EYS: variants seen among roughly 807,000 people sequenced by gnomAD.
EYS encodes the protein protein eyes shut homolog.
In EYS, 250 loss-of-function variants were observed where a neutral mutation model predicts 282.1. That is an observed-to-expected ratio of 0.89 (90% CI 0.80 to 0.98). EYS has a LOEUF of 0.98. Ranked by LOEUF, EYS falls within the 50% of genes least tolerant of loss-of-function variation. EYS has a pLI of 0.00. For missense variants in EYS, 4,016 were observed against 3,709.0 expected (o/e 1.08, Z -2.15); for synonymous variants, 1,355 against 1,282.9 (o/e 1.06, Z -1.20).
intron 22 of EYS, among the ~76,000 whole-genome samples, chr6:64,795,728 G>A (rs1774335158): frequency 6.6e-6 from 1 of 152,136 alleles, no homozygotes; most frequent in African/African-American, 2.4e-5. Flanking sequence ...TCAGTGGGCA[G>A]GTAAACTCAA....
intron 7 of EYS, among the ~76,000 whole-genome samples, chr6:65,398,854 T>C (rs1036787841): frequency 6.6e-6 from 1 of 152,224 alleles, no homozygotes; most frequent in Admixed American, 6.6e-5. Flanking sequence ...TTTCTACAGA[T>C]TTTTCCATTT....
chr6:64,655,806 G>T (rs1301218352), intron 22 of EYS, among the ~76,000 whole-genome samples: 1 of 151,806 alleles, frequency 6.6e-6, no homozygotes, highest in African/African-American at 2.4e-5. Flanking sequence ...AATATCATAT[G>T]GTCCATAATG....
chr6:64,001,336 A>G (rs1768085546), intron 33 of EYS, among the ~76,000 whole-genome samples: 1 of 152,258 alleles, frequency 6.6e-6, no homozygotes, highest in Non-Finnish European at 1.5e-5. Flanking sequence ...GTAAAAATAA[A>G]TTACACAGTC....
At chr6:64,686,349 A>G (rs1770098689) in intron 22 of EYS, among the ~76,000 whole-genome samples, 2 of 152,052 alleles carry the variant, frequency 1.3e-5, no homozygotes, top group African/African-American at 4.8e-5. Context: ...GAAAAGATAA[A>G]TGAAATAAAT....
At chr6:64,385,958 A>G (rs1226649081) in intron 29 of EYS, among the ~76,000 whole-genome samples, 5 of 152,054 alleles carry the variant, frequency 3.3e-5, no homozygotes, top group Admixed American at 6.5e-5. Flanking sequence ...TTCTTAGCCT[A>G]GTTCTTGATT....
At chr6:63,812,531 C>T (rs1031087820) in intron 36 of EYS, among the ~76,000 whole-genome samples, 1 of 152,134 alleles carries the variant, frequency 6.6e-6, no homozygotes, top group African/African-American at 2.4e-5. Context: ...TATTTTTTCT[C>T]CCCACTCAGA....
intron 29 of EYS, among the ~76,000 whole-genome samples, chr6:64,311,677 G>C (rs1769710003): frequency 6.6e-6 from 1 of 152,330 alleles, no homozygotes; most frequent in South Asian, 2.1e-4. Context: ...GAGGTACCTA[G>C]TTCATCTCAT....
At position 65,158,627 on chromosome 6, in the gene EYS, C is replaced by T. The variant is rs1235430964; in HGVS notation, c.2024-100900G>A. 2.7e-5 allele frequency among the ~76,000 whole-genome samples: 4 copies of T among 150,636 alleles called. 1 individual carries two copies. The South Asian group carries it at 6.2e-4, about 23-fold the overall frequency. ...CTTGTCTTAGTTTAGTTCAAATATGCTTTATTTGGTGGCAGAGAAAAAGGA... is the reference window on the plus strand; with the variant it reads ...CTTGTCTTAGTTTAGTTCAAATATGTTTTATTTGGTGGCAGAGAAAAAGGA... On this transcript the variant is annotated intron_variant, in intron 12 of 42. Transcript: ENST00000503581.
intron 14 of EYS, among the ~76,000 whole-genome samples, chr6:64,969,909 T>A (rs528908430): frequency 1.3e-5 from 2 of 152,148 alleles, no homozygotes; most frequent in Non-Finnish European, 2.9e-5. Flanking sequence ...AACTTTCCAA[T>A]CTCATACTAT....
intron 26 of EYS, among the ~76,000 whole-genome samples, chr6:64,503,251 T>C (rs1777109163): frequency 6.6e-6 from 1 of 152,174 alleles, no homozygotes; most frequent in Non-Finnish European, 1.5e-5. Flanking sequence ...GCAGGTACAC[T>C]AGCCAGTTCA....
intron 22 of EYS, among the ~76,000 whole-genome samples, chr6:64,799,786 A>T (rs906959747): frequency 2.0e-5 from 3 of 151,780 alleles, no homozygotes; most frequent in Non-Finnish European, 4.4e-5. Flanking sequence ...AATTTTTCAC[A>T]TATTTAAGTA....
At chr6:63,824,261 T>C (rs1771398512) in intron 36 of EYS, among the ~76,000 whole-genome samples, 1 of 152,176 alleles carries the variant, frequency 6.6e-6, no homozygotes, top group Non-Finnish European at 1.5e-5. Context: ...CAATTCCCAC[T>C]AAGTGATTTT....
chr6:65,552,802 T>C (rs9345650), intron 2 of EYS, among the ~76,000 whole-genome samples: 83,438 of 151,898 alleles, frequency 0.55, 22,954 homozygotes, highest in East Asian at 0.71. Context: ...TCTTTCATAT[T>C]AGAGCTAAGA....
chr6:64,465,679 T>C (rs1220362840), intron 26 of EYS, among the ~76,000 whole-genome samples: 2 of 151,840 alleles, frequency 1.3e-5, no homozygotes, highest in Admixed American at 6.6e-5. Flanking sequence ...TTCATGACAT[T>C]GGTCTGAGAA....
intron 12 of EYS, among the ~76,000 whole-genome samples, chr6:65,257,187 T>A (rs1435946149): frequency 1.7e-5 from 1 of 59,132 alleles, no homozygotes; most frequent in Admixed American, 1.8e-4. Flanking sequence ...GTCAGATGAG[T>A]AGGTTGTGAA....
intron 29 of EYS, among the ~76,000 whole-genome samples, chr6:64,327,073 A>G (rs1383253221): frequency 6.6e-6 from 1 of 152,120 alleles, no homozygotes; most frequent in Non-Finnish European, 1.5e-5. Flanking sequence ...AAGTGTGTGG[A>G]AGAGAGTCTC....
chr6:65,060,513 C>T (rs1386984062), intron 12 of EYS, among the ~76,000 whole-genome samples: 5 of 151,770 alleles, frequency 3.3e-5, no homozygotes, highest in Non-Finnish European at 7.4e-5. Context: ...TGTACCTAGC[C>T]TTCCTTCTTG....
intron 1 of EYS, among the ~76,000 whole-genome samples, chr6:65,674,658 G>A (rs982105272): frequency 2.0e-5 from 3 of 151,786 alleles, no homozygotes; most frequent in Non-Finnish European, 4.4e-5. Flanking sequence ...AAATGAAAAA[G>A]AAATAAAGAC....
chr6:63,965,463 T>G (rs1269209233), intron 35 of EYS, among the ~76,000 whole-genome samples: 1 of 152,212 alleles, frequency 6.6e-6, no homozygotes, highest in Admixed American at 6.5e-5. Context: ...ATTTCACCAG[T>G]GCAAAGTGCA....
Sources: allele counts gnomAD v4.1 joint callset (sites outside exome capture counted in the v4.1 genomes callset), GRCh38; gene constraint gnomAD v4.1.1; transcripts MANE v1.5; gene names NCBI Gene and HGNC (gene_info 2026-07-23, HGNC 2026-07-21).